The following KMT2C variants were observed in gnomAD, a reference collection of about 807,000 sequenced individuals.
KMT2C encodes lysine methyltransferase 2C, also known as histone-lysine N-methyltransferase 2C.
KMT2C carries 88 observed loss-of-function variants against 507.9 expected under a neutral mutation model. The ratio of observed to expected loss-of-function variants is 0.17; its 90% CI spans 0.15 to 0.21. The LOEUF is 0.21. KMT2C is among the 10% of genes least tolerant of loss of function. The probability of loss-of-function intolerance (pLI) is 1.00; values close to 1 mark genes in which losing one functional copy is unlikely to be tolerated. For missense variants in KMT2C, 4,954 were observed against 5,957.8 expected (o/e 0.83, Z 5.55); for synonymous variants, 2,049 against 2,080.8 (o/e 0.98, Z 0.42).
At chr7:152,160,595 C>A (rs1643138858) in intron 43 of KMT2C, among the ~76,000 whole-genome samples, 1 of 149,492 alleles carries the variant, frequency 6.7e-6, no homozygotes, top group African/African-American at 2.5e-5. Flanking sequence ...CTCTGAGTGG[C>A]AAGAACCTAA....
intron 9 of KMT2C, among the ~76,000 whole-genome samples, chr7:152,259,487 CACAG>C (rs760837963): frequency 0.078 from 10,281 of 132,032 alleles, 426 homozygotes; most frequent in South Asian, 0.091. Flanking sequence ...CACACACACA[CACAG>C]AGAAAGCAAG....
rs2129097504 is a variant in KMT2C at position 152,152,762 on chromosome 7, A to C, written c.12469T>G (p.Leu4157Val). The change falls in exon 49 of 59, where the codon TTA (leucine) becomes GTA (valine). Residue 4157 changes from leucine (L) to valine (V), a missense_variant. By Grantham distance (32) the Leu-to-Val change is conservative. Around this residue, in one of 29 missense-constraint regions of KMT2C, gnomAD observed 417 missense variants for 461.1 expected, o/e 0.90. Transcript: ENST00000262189. ...TGCTTCAGCCGGTAAGAGCTCACTA[A>C]TCTGGGAGGGTTTGCAGATCCTGGC... is the stretch of plus-strand genomic sequence containing the variant. ...PPPGSANPPRLVSSYRLKQPN... is the reference protein window; with the variant it reads ...PPPGSANPPRVVSSYRLKQPN... 6.2e-7 allele frequency: 1 copy of C among 1,614,170 alleles called. No homozygotes were observed. Among genetic ancestry groups the C allele is most frequent in the Non-Finnish European group, 8.5e-7 (1 of 1,180,030 alleles).
intron 31 of KMT2C, among the ~76,000 whole-genome samples, chr7:152,191,952 C>CT (rs2129127508): frequency 6.6e-6 from 1 of 151,524 alleles, no homozygotes; most frequent in African/African-American, 2.4e-5. Context: ...AGTTGTATAC[C>CT]TGAAAGTCTA....
At chr7:152,401,724 G>C (rs1030731707) in intron 1 of KMT2C, among the ~76,000 whole-genome samples, 1 of 152,216 alleles carries the variant, frequency 6.6e-6, no homozygotes, top group South Asian at 2.1e-4. Context: ...AAGTAGTAAG[G>C]AGTACAATAC....
intron 6 of KMT2C, among the ~76,000 whole-genome samples, chr7:152,288,229 TAAAAAAAAAAA>T (rs36047379): frequency 3.3e-5 from 4 of 121,144 alleles, no homozygotes; most frequent in Non-Finnish European, 7.2e-5. Context: ...TGAACTGATT[TAAAAAAAAAAA>T]AAAAAAAAAG....
intron 1 of KMT2C, among the ~76,000 whole-genome samples, chr7:152,373,165 G>C (rs1239892241): frequency 6.6e-6 from 1 of 152,016 alleles, no homozygotes; most frequent in African/African-American, 2.4e-5. Context: ...AAAAAAAACA[G>C]ATATAAATGC....
At chr7:152,235,109 G>A (rs967845704) in intron 16 of KMT2C, among the ~76,000 whole-genome samples, 6 of 151,824 alleles carry the variant, frequency 4.0e-5, no homozygotes, top group Admixed American at 6.6e-5. Flanking sequence ...GGACAAGGAC[G>A]GATGGCAGGG....
At chr7:152,346,508 G>A (rs1039276159) in intron 2 of KMT2C, among the ~76,000 whole-genome samples, 2 of 152,166 alleles carry the variant, frequency 1.3e-5, no homozygotes, top group Admixed American at 6.5e-5. Context: ...GAAATCTCAA[G>A]AGAAATTGAA....
intron 9 of KMT2C, among the ~76,000 whole-genome samples, chr7:152,260,517 TG>T (rs1049055654): frequency 6.6e-6 from 1 of 151,918 alleles, no homozygotes; most frequent in Non-Finnish European, 1.5e-5. Flanking sequence ...GCGTGGGGGA[TG>T]GGGACTCACA....
At chr7:152,323,388 A>G (rs936716666) in intron 3 of KMT2C, among the ~76,000 whole-genome samples, 2 of 152,014 alleles carry the variant, frequency 1.3e-5, no homozygotes, top group African/African-American at 4.8e-5. Flanking sequence ...CTATAATCCC[A>G]GCACTTCGGG....
In KMT2C at chr7:152,159,023, A is replaced by G. The variant is rs1429410878; in HGVS notation, c.11510T>C (p.Leu3837Ser). ...MQGGFGCGNQ[L>S]PKTDGGSETK... ...TTCACTTCCTCCATCTGTTTTTGGC[A>G]ACTGGTTGCCACATCCAAAACCACC... The change falls in exon 44 of 59, where the codon TTG becomes TCG. Residue 3837 changes from leucine to serine, a missense_variant. This residue lies in a region of KMT2C where 801 missense variants were observed against 751.2 expected (regional missense o/e 1.07). Coordinates refer to ENST00000262189, the MANE Select transcript of KMT2C (RefSeq NM_170606.3). 6.2e-7 allele frequency: 1 copy of G among 1,614,122 alleles called. No individual in the cohort carries two copies.
intron 1 of KMT2C, among the ~76,000 whole-genome samples, chr7:152,420,185 T>C (rs1173347508): frequency 3.3e-5 from 5 of 152,112 alleles, no homozygotes; most frequent in South Asian, 2.1e-4. Flanking sequence ...AGAGAACAAA[T>C]AGGAAAAGCA....
chr7:152,355,665 A>C (rs531801831), intron 2 of KMT2C, among the ~76,000 whole-genome samples: 20 of 152,260 alleles, frequency 1.3e-4, no homozygotes, highest in Non-Finnish European at 2.8e-4. Context: ...TGATCCTGAA[A>C]GGTTAAGGAG....
At chr7:152,428,105 T>C (rs766660998) in intron 1 of KMT2C, among the ~76,000 whole-genome samples, 54 of 152,128 alleles carry the variant, frequency 3.5e-4, no homozygotes, top group Non-Finnish European at 6.8e-4. Context: ...CTAAACAGAA[T>C]ACAAAGTAAT....
chr7:152,251,099 C>T lies in KMT2C; in HGVS notation c.1622-133G>A. 1.8e-5 allele frequency: 11 copies of T among 601,760 alleles called. 1 individual carries two copies. In the South Asian group the frequency reaches 2.3e-4, roughly 12 times the overall value. 37.3% of individuals were successfully genotyped at this position (601,760 alleles called of 1,614,324 possible). ...GCTTTAAGTTTTTCTTCAGATTTTTCTCTGTTGAACCACATGTATATTTAC... is the reference window on the plus strand; with the variant it reads ...GCTTTAAGTTTTTCTTCAGATTTTTTTCTGTTGAACCACATGTATATTTAC... On this transcript the variant is annotated intron_variant, in intron 11 of 58. Coordinates refer to ENST00000262189, the MANE Select transcript of KMT2C (RefSeq NM_170606.3).
intron 1 of KMT2C, among the ~76,000 whole-genome samples, chr7:152,374,861 T>A (rs1288767058): frequency 7.1e-6 from 1 of 140,748 alleles, no homozygotes; most frequent in Non-Finnish European, 1.5e-5. Flanking sequence ...CTAGCCTTAG[T>A]GACACAGGGA....
chr7:152,252,836 A>G, intron 9 of KMT2C, 121 bp from the exon 10 acceptor site: 1 of 702,614 alleles, frequency 1.4e-6, no homozygotes. Context: ...TTTTATTTTC[A>G]TGACACTAAT....
At chr7:152,281,534 C>G (rs1341888115) in intron 6 of KMT2C, among the ~76,000 whole-genome samples, 1 of 152,130 alleles carries the variant, frequency 6.6e-6, no homozygotes, top group East Asian at 1.9e-4. Context: ...GAGTTTGAGA[C>G]CATCCTGGCC....
intron 43 of KMT2C, among the ~76,000 whole-genome samples, chr7:152,160,619 A>ATATATATT (rs1296854499): frequency 6.8e-6 from 1 of 147,474 alleles, no homozygotes; most frequent in African/African-American, 2.5e-5. Context: ...TTAATTATAT[A>ATATATATT]TATATATTTA....
Sources: allele counts gnomAD v4.1 joint callset (sites outside exome capture counted in the v4.1 genomes callset), GRCh38; gene constraint gnomAD v4.1.1; regional missense constraint gnomAD v4.1.1; transcripts MANE v1.5; gene names NCBI Gene and HGNC (gene_info 2026-07-23, HGNC 2026-07-21).